The following MICU3 variants were observed in gnomAD, a reference collection of about 807,000 sequenced individuals.
MICU3 encodes mitochondrial calcium uptake 3, also known as calcium uptake protein 3, mitochondrial.
A neutral mutation model predicts 66.5 loss-of-function variants in MICU3; 62 were observed. The ratio of observed to expected loss-of-function variants is 0.93; its 90% CI spans 0.76 to 1.15. The LOEUF (loss-of-function observed/expected upper bound fraction) is 1.15, where lower values mean the gene tolerates loss of function less well. Ranked by LOEUF, MICU3 falls within the 50% of genes most tolerant of loss-of-function variation. The pLI is 0.00. For missense variants in MICU3, 779 were observed against 664.4 expected (o/e 1.17, Z -1.90); for synonymous variants, 308 against 240.7 (o/e 1.28, Z -2.59).
intron 3 of MICU3, among the ~76,000 whole-genome samples, chr8:17,075,359 C>G (rs1224351273): frequency 2.0e-5 from 3 of 152,222 alleles, no homozygotes; most frequent in Non-Finnish European, 4.4e-5. Flanking sequence ...GTCAAGCTCA[C>G]TAAAGCCCCA....
intron 8 of MICU3, among the ~76,000 whole-genome samples, chr8:17,091,331 G>C (rs1336125892): frequency 6.6e-6 from 1 of 152,048 alleles, no homozygotes; most frequent in Non-Finnish European, 1.5e-5. Flanking sequence ...AACATGTGCA[G>C]TTCACTTAAT....
intron 1 of MICU3, among the ~76,000 whole-genome samples, chr8:17,034,237 T>G (rs576682737): frequency 1.0e-3 from 154 of 152,328 alleles, no homozygotes; most frequent in Admixed American, 2.6e-3. Context: ...GTTTACTGAT[T>G]GTTTTAAGCT....
chr8:17,043,410 T>A (rs1044473400), intron 1 of MICU3, among the ~76,000 whole-genome samples: 1 of 152,220 alleles, frequency 6.6e-6, no homozygotes, highest in Non-Finnish European at 1.5e-5. Context: ...AAGAGGTTAC[T>A]TGTAATTGTC....
intron 8 of MICU3, among the ~76,000 whole-genome samples, chr8:17,093,702 C>G (rs1217439709): frequency 6.6e-6 from 1 of 151,610 alleles, no homozygotes; most frequent in Non-Finnish European, 1.5e-5. Flanking sequence ...TGAATTGAAT[C>G]CTCTATTATA....
At chr8:17,090,689 A>G in intron 8 of MICU3, 105 bp downstream of exon 8, 3 of 850,944 alleles carry the variant, frequency 3.5e-6, no homozygotes, top group South Asian at 5.0e-5. Context: ...TACTAATAGA[A>G]TGTTTTGGAA....
At chr8:17,071,348 C>G (rs1008591727) in intron 3 of MICU3, among the ~76,000 whole-genome samples, 1 of 152,178 alleles carries the variant, frequency 6.6e-6, no homozygotes, top group African/African-American at 2.4e-5. Context: ...CTCCCCTTAG[C>G]TTTTAGGTAG....
rs368482095 is a variant in MICU3 at position 17,061,908 on chromosome 8, A to G, written c.382-2176A>G. ...TCTCACCCACGGCAGGGCCAAAACA[A>G]TTTTCCAATACCTGTGGACACCTGA... is the stretch of plus-strand genomic sequence containing the variant. On this transcript the variant is annotated intron_variant, in intron 1 of 14. Transcript: ENST00000318063. 3.3e-5 allele frequency among the ~76,000 whole-genome samples: 5 copies of G among 151,994 alleles called. No homozygotes were observed. The East Asian group carries it at 7.7e-4, about 23-fold the overall frequency.
intron 12 of MICU3, among the ~76,000 whole-genome samples, chr8:17,114,584 C>T (rs1350495994): frequency 6.6e-6 from 1 of 152,156 alleles, no homozygotes; most frequent in African/African-American, 2.4e-5. Flanking sequence ...ATCAGTTTTG[C>T]ATAATTTTCA....
chr8:17,126,598 T>C (rs1803410715), downstream of MICU3, among the ~76,000 whole-genome samples: 1 of 152,190 alleles, frequency 6.6e-6, no homozygotes, highest in South Asian at 2.1e-4. Flanking sequence ...TATTAGAGTA[T>C]TGTTAGCATG....
At chr8:17,104,806 T>C in intron 10 of MICU3, among the ~76,000 whole-genome samples, 1 of 41,228 alleles carries the variant, frequency 2.4e-5, no homozygotes, top group African/African-American at 4.3e-4. Flanking sequence ...CCATCCTGGC[T>C]AACACGGTGA....
the MICU3 span, among the ~76,000 whole-genome samples, chr8:17,138,066 A>C: frequency 1.3e-5 from 2 of 151,992 alleles, no homozygotes; most frequent in Non-Finnish European, 2.9e-5. Flanking sequence ...TCTCAGAATT[A>C]TAATGGAGGA....
rs775794077 is a variant in MICU3, at chr8:17,093,673, A to T, written c.888+3089A>T. ...TGTTGTTACCTGTATAAGATTATAG[A>T]TTATTTATATCATCTTAGTGAATTG... is the stretch of plus-strand genomic sequence containing the variant. On this transcript the variant is annotated intron_variant, in intron 8 of 14. Transcript: ENST00000318063. 3.9e-5 allele frequency among the ~76,000 whole-genome samples: 6 copies of T among 152,024 alleles called. No individual in the cohort carries two copies. In the East Asian group the frequency reaches 5.8e-4, roughly 15 times the overall value.
At chr8:17,050,906 T>G (rs1028135706) in intron 1 of MICU3, among the ~76,000 whole-genome samples, 9 of 152,170 alleles carry the variant, frequency 5.9e-5, no homozygotes, top group Admixed American at 4.6e-4. Context: ...ATGTTTGCAT[T>G]TATTTTTGCT....
intron 9 of MICU3, among the ~76,000 whole-genome samples, chr8:17,100,433 C>A (rs573635329): frequency 6.6e-6 from 1 of 151,750 alleles, no homozygotes; most frequent in East Asian, 1.9e-4. Flanking sequence ...ACTACCCTCC[C>A]ACATTAGAAT....
intron 1 of MICU3, among the ~76,000 whole-genome samples, chr8:17,041,622 G>A (rs1288657065): frequency 6.6e-6 from 1 of 151,926 alleles, no homozygotes; most frequent in Non-Finnish European, 1.5e-5. Flanking sequence ...GAAGACCCTC[G>A]ATCGTGTTTA....
the MICU3 span, among the ~76,000 whole-genome samples, chr8:17,137,845 T>G: frequency 4.9e-4 from 74 of 151,192 alleles, 1 homozygote; most frequent in Middle Eastern, 6.9e-3. Context: ...GCCTCCTGAG[T>G]AGCTGGGACT....
the MICU3 span, among the ~76,000 whole-genome samples, chr8:17,137,207 C>A: frequency 6.6e-6 from 1 of 151,966 alleles, no homozygotes; most frequent in Non-Finnish European, 1.5e-5. Flanking sequence ...TGCCTATGTA[C>A]CCCTATCTAA....
At chr8:17,090,665 C>G in intron 8 of MICU3, 81 bp downstream of exon 8, 1 of 1,070,804 alleles carries the variant, frequency 9.3e-7, no homozygotes, top group Non-Finnish European at 1.3e-6. Context: ...TTATATAAAG[C>G]TATATCTGCT....
At chr8:17,091,209 T>G (rs954906585) in intron 8 of MICU3, among the ~76,000 whole-genome samples, 1 of 152,144 alleles carries the variant, frequency 6.6e-6, no homozygotes, top group African/African-American at 2.4e-5. Flanking sequence ...AACTTCCAGT[T>G]GTACCCTTCT....
Sources: gnomAD v4.1 joint callset for allele counts (sites outside exome capture counted in the v4.1 genomes callset) on GRCh38, gnomAD v4.1.1 for gene constraint, MANE v1.5 for transcripts, NCBI Gene and HGNC (gene_info 2026-07-23, HGNC 2026-07-21) for gene names.